The following KCNN3 variants were observed in gnomAD, a reference collection of about 807,000 sequenced individuals.
KCNN3 encodes the protein small conductance calcium-activated potassium channel protein 3.
KCNN3 carries 16 observed loss-of-function variants against 62.9 expected under a neutral mutation model. The ratio of observed to expected loss-of-function variants is 0.25; its 90% confidence interval spans 0.17 to 0.39. The LOEUF (loss-of-function observed/expected upper bound fraction) is 0.39. KCNN3 is among the 10% of genes least tolerant of loss of function. The pLI is 1.00. For missense variants in KCNN3, 599 were observed against 949.4 expected (o/e 0.63, Z 4.85); for synonymous variants, 370 against 389.2 (o/e 0.95, Z 0.58).
rs116779076 is a variant in KCNN3 at position 154,754,605 on chromosome 1, A to C, written c.1448+17370T>G. ...TTATTTTGTCCATTTCTCTTTCCTG[A>C]TGGCTAAAAGGTAGGTGGGATGGCT... On this transcript the variant is annotated intron_variant, in intron 3 of 7. Transcript: ENST00000271915. Among the ~76,000 whole-genome samples the C allele has an allele frequency of 7.1e-4, 108 of 152,328 alleles. 1 individual carries two copies. The highest frequency in any genetic ancestry group is 2.4e-3 in the African/African-American group (100 of 41,564).
intron 1 of KCNN3, among the ~76,000 whole-genome samples, chr1:154,832,484 C>T (rs902792426): frequency 2.0e-5 from 3 of 152,014 alleles, no homozygotes; most frequent in South Asian, 2.1e-4. Flanking sequence ...ACCCTCCTAG[C>T]GCCTCCCAGA....
chr1:154,770,516 A>C (rs1333986933), intron 3 of KCNN3, among the ~76,000 whole-genome samples: 1 of 152,218 alleles, frequency 6.6e-6, no homozygotes, highest in Non-Finnish European at 1.5e-5. Flanking sequence ...GTAAGTGTTG[A>C]CAAATTAAGG....
At chr1:154,836,907 T>C (rs1445506875) in intron 1 of KCNN3, among the ~76,000 whole-genome samples, 1 of 152,164 alleles carries the variant, frequency 6.6e-6, no homozygotes, top group Non-Finnish European at 1.5e-5. Flanking sequence ...CAATAAATAC[T>C]TGATGAATGA....
chr1:154,713,394 C>T, intron 7 of KCNN3, 70 bp downstream of exon 7: 3 of 1,321,706 alleles, frequency 2.3e-6, no homozygotes, highest in Non-Finnish European at 3.3e-6. Context: ...CCAGCCAGGA[C>T]TCACAGGTGA....
rs534196907 is a variant in KCNN3 at position 154,721,305 on chromosome 1, T to C, written c.1701+4611A>G. 2.8e-4 allele frequency among the ~76,000 whole-genome samples: 42 copies of C among 148,156 alleles called. 1 individual carries two copies. In the Middle Eastern group the frequency reaches 0.01, roughly 36 times the overall value. On this transcript the variant is annotated intron_variant, in intron 5 of 7. Transcript: ENST00000271915. Reference sequence around the variant, plus strand: ...CCTTTTTTTTCTTTTTCTTTCCTTTTTTTTTTTTTTTTGAGATGGAGTCTC... The same window carrying C: ...CCTTTTTTTTCTTTTTCTTTCCTTTCTTTTTTTTTTTTGAGATGGAGTCTC...
At position 154,797,558 on chromosome 1, in the gene KCNN3, T is replaced by C. The variant is rs1159041800; in HGVS notation, c.1029+24531A>G. Among the ~76,000 whole-genome samples the C allele has an allele frequency of 3.9e-5, 6 of 152,330 alleles. No homozygotes were observed. The East Asian group carries it at 1.2e-3, about 29-fold the overall frequency. Reference sequence around the variant, plus strand: ...TTCCGTTCTTTGTCTGCATCTGAATTTACACGGACTTATTTGATTGATTCC... The same window carrying C: ...TTCCGTTCTTTGTCTGCATCTGAATCTACACGGACTTATTTGATTGATTCC... On this transcript the variant is annotated intron_variant, in intron 2 of 7. Transcript: ENST00000271915.
intron 2 of KCNN3, among the ~76,000 whole-genome samples, chr1:154,793,756 C>T (rs915459596): frequency 4.6e-5 from 7 of 152,136 alleles, no homozygotes. Context: ...GACTTGACCT[C>T]GTTAACGTAG....
At chr1:154,722,464 T>G (rs1348641499) in intron 5 of KCNN3, among the ~76,000 whole-genome samples, 1 of 149,268 alleles carries the variant, frequency 6.7e-6, no homozygotes, top group Non-Finnish European at 1.5e-5. Context: ...CTCGGCTCAC[T>G]GCAACTTTCG....
intron 2 of KCNN3, among the ~76,000 whole-genome samples, chr1:154,791,825 A>G (rs916539677): frequency 3.3e-5 from 5 of 152,216 alleles, no homozygotes; most frequent in Admixed American, 2.6e-4. Context: ...TGCTGTTTGT[A>G]TGAATTTGGA....
chr1:154,812,684 C>T (rs996564553), intron 2 of KCNN3, among the ~76,000 whole-genome samples: 8 of 152,164 alleles, frequency 5.3e-5, no homozygotes, highest in South Asian at 2.1e-4. Context: ...ATCCTGAAAA[C>T]TTTAAGCTGT....
intron 3 of KCNN3, among the ~76,000 whole-genome samples, chr1:154,749,402 C>A (rs1647246524): frequency 6.6e-6 from 1 of 152,228 alleles, no homozygotes; most frequent in Admixed American, 6.5e-5. Context: ...AAAGCTGCAG[C>A]CTCACCTAGG....
intron 5 of KCNN3, among the ~76,000 whole-genome samples, chr1:154,720,988 C>G (rs978824173): frequency 6.6e-6 from 1 of 152,170 alleles, no homozygotes; most frequent in Non-Finnish European, 1.5e-5. Context: ...GGCCTGGCGT[C>G]TGGAAGAACA....
chr1:154,703,090 G>A lies in KCNN3; in HGVS notation c.*4886C>T, dbSNP rs1699892765. On this transcript the variant is annotated 3_prime_UTR_variant, in exon 8 of 8. Coordinates refer to ENST00000271915, the MANE Select transcript of KCNN3 (RefSeq NM_002249.6). Reference sequence around the variant, plus strand: ...TATATTTTTTTCTATCTGTATATATGTATATACCATTGCACTGAGTACTTT... The same window carrying A: ...TATATTTTTTTCTATCTGTATATATATATATACCATTGCACTGAGTACTTT... 1 of 152,024 alleles carries A rather than the reference G, an allele frequency of 6.6e-6. No individual in the cohort carries two copies. The highest frequency in any genetic ancestry group is 1.5e-5 in the Non-Finnish European group (1 of 68,014). The allele number at this position is 152,024 out of a possible 1,614,324, so 9.4% of individuals were successfully genotyped here. A position where few individuals can be genotyped will look rare whatever the true frequency, so the allele number is the denominator to read the frequency against.
At chr1:154,861,330 C>T (rs1652763038) in intron 1 of KCNN3, among the ~76,000 whole-genome samples, 2 of 152,140 alleles carry the variant, frequency 1.3e-5, no homozygotes, top group Admixed American at 6.5e-5. Context: ...GTGTGCAGAA[C>T]TCTGCAGCCC....
Position 154,862,315 on chromosome 1 carries a change from A to G in KCNN3, c.933+6717T>C, listed in dbSNP as rs1652800263. On this transcript the variant is annotated intron_variant, in intron 1 of 7. Transcript: ENST00000271915. The surrounding 1 kb of genome is among the most constrained non-coding windows in gnomAD (Gnocchi z 4.1). ...TGGGCCAGCCACCGTGAGGGTCATG[A>G]GGGACCCAGGGGTGAAAATGCCTTG... Among the ~76,000 whole-genome samples the G allele has an allele frequency of 6.6e-6, 1 of 152,170 alleles. No homozygotes were observed. The highest frequency in any genetic ancestry group is 2.4e-5 in the African/African-American group (1 of 41,440).
chr1:154,720,778 C>G (rs114540172), intron 5 of KCNN3, among the ~76,000 whole-genome samples: 44 of 152,226 alleles, frequency 2.9e-4, no homozygotes, highest in African/African-American at 1.1e-3. Flanking sequence ...GGGTAAGGGA[C>G]GCCGAAGTGA....
intron 3 of KCNN3, 125 bp downstream of exon 3, chr1:154,771,850 C>G: frequency 1.1e-6 from 1 of 949,000 alleles, no homozygotes; most frequent in African/African-American, 1.6e-5. Flanking sequence ...CCCATTGTCT[C>G]CTTTCAGGTG....
intron 2 of KCNN3, among the ~76,000 whole-genome samples, chr1:154,780,540 G>A (rs1369766574): frequency 6.8e-6 from 1 of 147,050 alleles, no homozygotes; most frequent in Non-Finnish European, 1.5e-5. Flanking sequence ...AACAAAGCAA[G>A]AAGAAAAAAT....
chr1:154,710,253 A>G (rs569483657), intron 7 of KCNN3, among the ~76,000 whole-genome samples: 1 of 152,144 alleles, frequency 6.6e-6, no homozygotes, highest in Non-Finnish European at 1.5e-5. Flanking sequence ...GCTACAGCAC[A>G]AAGACAGAAA....
Sources: gnomAD v4.1 joint callset for allele counts (sites outside exome capture counted in the v4.1 genomes callset) on GRCh38, gnomAD v4.1.1 for gene constraint, Gnocchi (gnomAD v3.1) non-coding constraint, MANE v1.5 for transcripts, NCBI Gene and HGNC (gene_info 2026-07-23, HGNC 2026-07-21) for gene names.